The following CLIC5 variants were observed in gnomAD, a reference collection of about 807,000 sequenced individuals.
CLIC5 encodes the protein CLIC family member 5, also known as chloride intracellular channel protein 5.
A neutral mutation model predicts 24.7 loss-of-function variants in CLIC5; 20 were observed. The observed-to-expected ratio is 0.81, with a 90% CI of 0.57 to 1.18. CLIC5 has a LOEUF of 1.18. Ranked by LOEUF, CLIC5 falls within the 50% of genes most tolerant of loss-of-function variation. The pLI is 0.00. For missense variants in CLIC5, 341 were observed against 326.1 expected, an observed-to-expected ratio of 1.05 and a Z score of -0.35; for synonymous variants, 159 against 135.6, an observed-to-expected ratio of 1.17 and a Z score of -1.20.
intron 1 of CLIC5, among the ~76,000 whole-genome samples, chr6:45,958,959 T>C (rs559850716): frequency 1.7e-5 from 1 of 57,186 alleles, no homozygotes; most frequent in Admixed American, 1.8e-4. Flanking sequence ...AATACATGCA[T>C]ACATACTACA....
rs541949772 is a variant in CLIC5, at chr6:45,926,679, T to A, written c.407-12270A>T. Among the ~76,000 whole-genome samples the A allele has an allele frequency of 8.0e-4, 121 of 151,044 alleles. 1 individual carries two copies. Among genetic ancestry groups the A allele is most frequent in the African/African-American group, 2.9e-3 (117 of 40,364 alleles). ...AAGTCTAGAATTTAGCCTTCTGTGT[T>A]TTCTCTTTTGACTCTTGGTGAAGTA... On this transcript the variant is annotated intron_variant, in intron 4 of 5. Coordinates refer to ENST00000339561, the MANE Select transcript of CLIC5 (RefSeq NM_016929.5).
At chr6:46,094,260 C>T in the CLIC5 span, among the ~76,000 whole-genome samples, 1 of 152,164 alleles carries the variant, frequency 6.6e-6, no homozygotes, top group Admixed American at 6.5e-5. Context: ...CAGTCCCTGG[C>T]TCCTTCGAAA....
At chr6:46,101,915 GA>G in the CLIC5 span, among the ~76,000 whole-genome samples, 7 of 140,154 alleles carry the variant, frequency 5.0e-5, no homozygotes, top group African/African-American at 7.9e-5. Flanking sequence ...ATTCCTGGGG[GA>G]AAAAATATTT....
chr6:46,123,056 A>G, the CLIC5 span: 5 of 152,272 alleles, frequency 3.3e-5, no homozygotes, highest in Non-Finnish European at 7.3e-5. Flanking sequence ...ATAGAAAGAG[A>G]GGGAATCCTC....
chr6:45,961,213 C>T (rs1167659613), intron 1 of CLIC5, among the ~76,000 whole-genome samples: 1 of 152,214 alleles, frequency 6.6e-6, no homozygotes, highest in African/African-American at 2.4e-5. Flanking sequence ...GTCACATTTC[C>T]ACTTTTTGTT....
chr6:46,108,029 C>A, the CLIC5 span, among the ~76,000 whole-genome samples: 3 of 20,032 alleles, frequency 1.5e-4, no homozygotes, highest in African/African-American at 3.0e-4. Flanking sequence ...AGCAAAACTC[C>A]ATCAAAAAAA....
upstream of CLIC5, among the ~76,000 whole-genome samples, chr6:46,081,122 A>G (rs1762912458): frequency 1.3e-5 from 2 of 152,192 alleles, no homozygotes; most frequent in African/African-American, 2.4e-5. Context: ...AGGAAAAACT[A>G]TTTAAAGTTT....
chr6:46,095,622 C>A, the CLIC5 span, among the ~76,000 whole-genome samples: 1 of 152,208 alleles, frequency 6.6e-6, no homozygotes, highest in Non-Finnish European at 1.5e-5. Flanking sequence ...GTTTGAGTTC[C>A]TAATAAGTTT....
intron 6 of CLIC5, among the ~76,000 whole-genome samples, chr6:45,882,815 T>C (rs1288359453): frequency 1.3e-5 from 2 of 152,256 alleles, no homozygotes; most frequent in Admixed American, 6.5e-5. Flanking sequence ...TTTAACTCCC[T>C]CATTCATTCA....
At chr6:46,069,051 C>T (rs1169932050) in intron 1 of CLIC5, among the ~76,000 whole-genome samples, 1 of 152,066 alleles carries the variant, frequency 6.6e-6, no homozygotes, top group East Asian at 1.9e-4. Context: ...TTCTAGGCTG[C>T]ATTTGAAAGG....
the CLIC5 span, among the ~76,000 whole-genome samples, chr6:46,125,482 G>A: frequency 6.6e-6 from 1 of 152,092 alleles, no homozygotes; most frequent in African/African-American, 2.4e-5. Context: ...TGTAAATGAC[G>A]AGTTAATGGG....
chr6:46,104,927 A>G, the CLIC5 span, among the ~76,000 whole-genome samples: 1 of 152,270 alleles, frequency 6.6e-6, no homozygotes, highest in Admixed American at 6.5e-5. Flanking sequence ...CTAAAATTCC[A>G]TGCCTTCATT....
At chr6:46,054,055 C>T (rs538280989) in intron 1 of CLIC5, among the ~76,000 whole-genome samples, 59 of 152,212 alleles carry the variant, frequency 3.9e-4, no homozygotes, top group African/African-American at 1.4e-3. Context: ...GGAATTGATG[C>T]TTGGGAAGCT....
At chr6:45,991,286 T>TA (rs1765934210) in intron 1 of CLIC5, among the ~76,000 whole-genome samples, 1 of 152,192 alleles carries the variant, frequency 6.6e-6, no homozygotes, top group South Asian at 2.1e-4. Flanking sequence ...TTGCTAGTCC[T>TA]AAAAAAGCAA....
At chr6:45,917,941 T>C (rs1002789191) in intron 4 of CLIC5, among the ~76,000 whole-genome samples, 50 of 152,348 alleles carry the variant, frequency 3.3e-4, no homozygotes, top group African/African-American at 1.1e-3. Flanking sequence ...AGTAGTTAGA[T>C]GGGGGTATCC....
At chr6:45,990,639 T>C (rs1765904195) in intron 1 of CLIC5, among the ~76,000 whole-genome samples, 1 of 152,256 alleles carries the variant, frequency 6.6e-6, no homozygotes, top group Non-Finnish European at 1.5e-5. Context: ...GTGTTCATCC[T>C]GCCTTACAAA....
intron 4 of CLIC5, among the ~76,000 whole-genome samples, chr6:45,935,116 G>A (rs1415783299): frequency 6.6e-6 from 1 of 152,254 alleles, no homozygotes; most frequent in Non-Finnish European, 1.5e-5. Context: ...TTTAGAGTCT[G>A]TTCAAATGGC....
the CLIC5 span, among the ~76,000 whole-genome samples, chr6:46,108,935 C>T: frequency 6.6e-6 from 1 of 151,986 alleles, no homozygotes; most frequent in Non-Finnish European, 1.5e-5. Context: ...ACTTATTAGG[C>T]TAATTTAGTA....
At chr6:46,014,030 A>G (rs6930056) in intron 1 of CLIC5, among the ~76,000 whole-genome samples, 1 of 151,110 alleles carries the variant, frequency 6.6e-6, no homozygotes, top group African/African-American at 2.4e-5. Context: ...CTGGAAATCC[A>G]GCCTGGGGTG....
Sources: allele counts gnomAD v4.1 joint callset (sites outside exome capture counted in the v4.1 genomes callset), GRCh38; gene constraint gnomAD v4.1.1; transcripts MANE v1.5; gene names NCBI Gene and HGNC (gene_info 2026-07-23, HGNC 2026-07-21).